The following JAKMIP2 variants were observed in gnomAD, a reference collection of about 807,000 sequenced individuals.
The protein encoded by JAKMIP2 is janus kinase and microtubule-interacting protein 2.
In JAKMIP2, 25 loss-of-function variants were observed where a neutral mutation model predicts 115.0. The ratio of observed to expected loss-of-function variants is 0.22; its 90% CI spans 0.16 to 0.30. The LOEUF (loss-of-function observed/expected upper bound fraction) is 0.30. Among genes scored for constraint, JAKMIP2 ranks in the 10% least tolerant of loss-of-function variants. JAKMIP2 has a pLI of 1.00. For synonymous variants in JAKMIP2, 334 were observed against 343.6 expected, an observed-to-expected ratio of 0.97 and a Z score of 0.31; for missense variants, 642 against 957.6, an observed-to-expected ratio of 0.67 and a Z score of 4.35.
chr5:147,749,807 C>T (rs1580874527), intron 1 of JAKMIP2, among the ~76,000 whole-genome samples: 1 of 152,118 alleles, frequency 6.6e-6, no homozygotes, highest in African/African-American at 2.4e-5. Flanking sequence ...TATGGATGAA[C>T]AATGAATGAG....
chr5:147,711,093 A>G (rs1348582344), intron 1 of JAKMIP2, among the ~76,000 whole-genome samples: 4 of 152,232 alleles, frequency 2.6e-5, no homozygotes, highest in Middle Eastern at 3.2e-3. Context: ...TTAAAAATTA[A>G]CTTTTTAATT....
chr5:147,592,596 G>A (rs968640036), intron 21 of JAKMIP2, among the ~76,000 whole-genome samples: 1 of 152,132 alleles, frequency 6.6e-6, no homozygotes, highest in Non-Finnish European at 1.5e-5. Context: ...TCCTACTTAA[G>A]GGAATGGCCT....
chr5:147,767,924 T>A (rs1465195419), intron 1 of JAKMIP2, among the ~76,000 whole-genome samples: 1 of 152,172 alleles, frequency 6.6e-6, no homozygotes, highest in Admixed American at 6.6e-5. Flanking sequence ...GTCTGCAAAG[T>A]GATCTGTTTG....
chr5:147,630,236 A>T (rs1757295809), intron 14 of JAKMIP2, among the ~76,000 whole-genome samples: 4 of 152,180 alleles, frequency 2.6e-5, no homozygotes. Context: ...ACTATAGTGC[A>T]GTACCATTTT....
chr5:147,702,665 A>AAG (rs1752416501), intron 1 of JAKMIP2, among the ~76,000 whole-genome samples: 1 of 101,150 alleles, frequency 9.9e-6, no homozygotes, highest in Non-Finnish European at 1.8e-5. Context: ...AGAAAGAAAG[A>AAG]GAGAGAAAGA....
intron 16 of JAKMIP2, among the ~76,000 whole-genome samples, chr5:147,624,858 T>A (rs1207149010): frequency 6.6e-6 from 1 of 152,218 alleles, no homozygotes; most frequent in Non-Finnish European, 1.5e-5. Context: ...CTCAAGTTTC[T>A]TGTCTGTCAA....
In JAKMIP2 at chr5:147,671,821, T is replaced by C. The variant is rs368146804; in HGVS notation, c.-15A>G. ...TTCTTGGACATTGTTCCTTTCTAAA[T>C]GGAGTCTGTTGGTTTTTAATTTCTT... On this transcript the variant is annotated 5_prime_UTR_variant, in exon 2 of 22. Transcript: ENST00000616793. 31 of 1,537,398 alleles carry C rather than the reference T, an allele frequency of 2.0e-5. No individual in the cohort carries two copies. In the East Asian group the frequency reaches 7.5e-4, roughly 37 times the overall value.
At chr5:147,728,991 A>G (rs1396387409) in intron 1 of JAKMIP2, among the ~76,000 whole-genome samples, 6 of 152,228 alleles carry the variant, frequency 3.9e-5, no homozygotes, top group Non-Finnish European at 8.8e-5. Context: ...CTTGCTTACC[A>G]AGTTTTTCAC....
At chr5:147,721,645 G>T (rs1020922531) in intron 1 of JAKMIP2, among the ~76,000 whole-genome samples, 11 of 152,230 alleles carry the variant, frequency 7.2e-5, no homozygotes, top group Non-Finnish European at 2.9e-5. Flanking sequence ...TCTTTGACTC[G>T]GAAAGGGAAC....
rs754060590 is a variant in JAKMIP2, at chr5:147,595,458, G to A, written c.*21-3772C>T. On this transcript the variant is annotated intron_variant, in intron 21 of 21. Transcript: ENST00000616793. ...CCTCCAGGGGATGCAACAACAAGGC[G>A]CCATCTTGGAAGTAGACACCAGGCC... The A allele has an allele frequency of 2.6e-4, 117 of 456,780 alleles. 3 individuals carry two copies. Among genetic ancestry groups the A allele is most frequent in the South Asian group, 1.5e-3 (95 of 65,158 alleles). The allele number at this position is 456,780 out of a possible 1,614,324, so 28.3% of individuals were successfully genotyped here.
chr5:147,739,811 T>C (rs193276340), intron 1 of JAKMIP2, among the ~76,000 whole-genome samples: 23 of 152,144 alleles, frequency 1.5e-4, no homozygotes, highest in Middle Eastern at 3.4e-3. Flanking sequence ...CCTCTGGGAC[T>C]AGACAGCCTA....
chr5:147,775,387 G>T (rs1030714575), intron 1 of JAKMIP2, among the ~76,000 whole-genome samples: 4 of 152,162 alleles, frequency 2.6e-5, no homozygotes, highest in African/African-American at 9.7e-5. Flanking sequence ...ATAGCTGTGA[G>T]TGTGTATCAT....
intron 21 of JAKMIP2, among the ~76,000 whole-genome samples, chr5:147,600,708 A>G (rs910596323): frequency 6.6e-6 from 1 of 151,282 alleles, no homozygotes; most frequent in Non-Finnish European, 1.5e-5. Context: ...CATCTCTCCC[A>G]CCCTCTCTCT....
chr5:147,777,966 A>G (rs974039247), intron 1 of JAKMIP2, among the ~76,000 whole-genome samples: 1 of 152,182 alleles, frequency 6.6e-6, no homozygotes, highest in Non-Finnish European at 1.5e-5. Flanking sequence ...ACTGATGCAC[A>G]CTTATTTTAT....
At chr5:147,686,827 A>G (rs549240882) in intron 1 of JAKMIP2, among the ~76,000 whole-genome samples, 1 of 152,336 alleles carries the variant, frequency 6.6e-6, no homozygotes, top group South Asian at 2.1e-4. Flanking sequence ...TTTATATTTG[A>G]GAAACACATT....
At chr5:147,759,790 G>T (rs949695670) in intron 1 of JAKMIP2, among the ~76,000 whole-genome samples, 3 of 152,090 alleles carry the variant, frequency 2.0e-5, no homozygotes, top group African/African-American at 4.8e-5. Flanking sequence ...AAGTCAATTC[G>T]TAGGATTTGG....
At chr5:147,761,365 T>C (rs1274633525) in intron 1 of JAKMIP2, among the ~76,000 whole-genome samples, 1 of 152,034 alleles carries the variant, frequency 6.6e-6, no homozygotes, top group East Asian at 1.9e-4. Flanking sequence ...ATATTGACTA[T>C]GTAGGGAGCA....
At chr5:147,655,633 T>A (rs1000436502) in intron 3 of JAKMIP2, among the ~76,000 whole-genome samples, 22 of 152,232 alleles carry the variant, frequency 1.4e-4, no homozygotes, top group African/African-American at 5.1e-4. Flanking sequence ...GTTAATTTTT[T>A]AAAAAATCCA....
chr5:147,689,367 T>C (rs1660049484), intron 1 of JAKMIP2, among the ~76,000 whole-genome samples: 1 of 152,194 alleles, frequency 6.6e-6, no homozygotes, highest in Admixed American at 6.5e-5. Flanking sequence ...CTGACTTAGC[T>C]TTTAACATTT....
Sources: allele counts gnomAD v4.1 joint callset (sites outside exome capture counted in the v4.1 genomes callset), GRCh38; gene constraint gnomAD v4.1.1; transcripts MANE v1.5; gene names NCBI Gene and HGNC (gene_info 2026-07-23, HGNC 2026-07-21).